The following ENTREP2 variants were observed in gnomAD, a reference collection of about 807,000 sequenced individuals.
The protein encoded by ENTREP2 is protein ENTREP2.
At chr15:29,383,909 T>A in the ENTREP2 span, among the ~76,000 whole-genome samples, 1 of 152,294 alleles carries the variant, frequency 6.6e-6, no homozygotes, top group South Asian at 2.1e-4. Flanking sequence ...AGACATTATT[T>A]ACAGCCATTT....
At chr15:29,410,878 C>T in the ENTREP2 span, among the ~76,000 whole-genome samples, 1 of 152,294 alleles carries the variant, frequency 6.6e-6, no homozygotes, top group South Asian at 2.1e-4. Flanking sequence ...CTCCGCCTCC[C>T]AGGTTCAAGC....
At chr15:29,636,293 G>T in the ENTREP2 span, among the ~76,000 whole-genome samples, 1 of 152,220 alleles carries the variant, frequency 6.6e-6, no homozygotes, top group Non-Finnish European at 1.5e-5. Context: ...TTGGCCAATG[G>T]AACGTTAGCA....
chr15:29,524,005 G>A, the ENTREP2 span, among the ~76,000 whole-genome samples: 1 of 151,914 alleles, frequency 6.6e-6, no homozygotes, highest in African/African-American at 2.4e-5. Flanking sequence ...GATACCAGAA[G>A]AACAAGCAAA....
the ENTREP2 span, among the ~76,000 whole-genome samples, chr15:29,653,117 C>G: frequency 6.6e-6 from 1 of 152,256 alleles, no homozygotes; most frequent in South Asian, 2.1e-4. Flanking sequence ...GAGTCCATAT[C>G]ACTGGGAATC....
chr15:29,234,377 C>A, the ENTREP2 span: 1 of 1,563,706 alleles, frequency 6.4e-7, no homozygotes, highest in Non-Finnish European at 8.8e-7. Flanking sequence ...TGTCACTCTG[C>A]AGGACTTATT....
the ENTREP2 span, among the ~76,000 whole-genome samples, chr15:29,423,540 C>T: frequency 1.3e-5 from 2 of 151,690 alleles, no homozygotes; most frequent in Admixed American, 1.3e-4. Flanking sequence ...GTAATCCCAG[C>T]ACTTCAGGAG....
the ENTREP2 span, among the ~76,000 whole-genome samples, chr15:29,399,173 A>C: frequency 6.6e-6 from 1 of 152,178 alleles, no homozygotes; most frequent in Non-Finnish European, 1.5e-5. Flanking sequence ...AACCTGAAGG[A>C]GTTTGGAAGT....
At chr15:29,587,709 G>A in the ENTREP2 span, among the ~76,000 whole-genome samples, 1 of 152,158 alleles carries the variant, frequency 6.6e-6, no homozygotes, top group South Asian at 2.1e-4. Context: ...ACCCAGGCTG[G>A]AGAGCAGTGG....
At chr15:29,175,177 G>A in the ENTREP2 span, among the ~76,000 whole-genome samples, 3 of 152,228 alleles carry the variant, frequency 2.0e-5, no homozygotes, top group Admixed American at 1.3e-4. Context: ...CTGGGATTCT[G>A]GCTCCACCTT....
chr15:29,553,177 T>C, the ENTREP2 span, among the ~76,000 whole-genome samples: 1 of 152,160 alleles, frequency 6.6e-6, no homozygotes, highest in East Asian at 1.9e-4. Context: ...ATGCCTGTAA[T>C]CCCAGCTGCT....
chr15:29,201,771 T>A, the ENTREP2 span, among the ~76,000 whole-genome samples: 1 of 152,202 alleles, frequency 6.6e-6, no homozygotes, highest in African/African-American at 2.4e-5. Context: ...TGGATTTTGG[T>A]AGCATGGCAA....
chr15:29,184,995 G>A, the ENTREP2 span, among the ~76,000 whole-genome samples: 26 of 151,766 alleles, frequency 1.7e-4, no homozygotes, highest in Admixed American at 1.2e-3. Flanking sequence ...AGAATCACTT[G>A]AGCCTGAGAG....
the ENTREP2 span, among the ~76,000 whole-genome samples, chr15:29,321,122 T>G: frequency 6.6e-6 from 1 of 151,976 alleles, no homozygotes; most frequent in Non-Finnish European, 1.5e-5. Flanking sequence ...ACAGGATAAC[T>G]ATCAAAAACT....
At chr15:29,417,033 T>C in the ENTREP2 span, among the ~76,000 whole-genome samples, 67 of 152,326 alleles carry the variant, frequency 4.4e-4, no homozygotes, top group Middle Eastern at 3.4e-3. Flanking sequence ...AGGAACACTC[T>C]TTCACTGTTA....
chr15:29,332,433 A>AG, the ENTREP2 span, among the ~76,000 whole-genome samples: 3 of 152,068 alleles, frequency 2.0e-5, no homozygotes, highest in Non-Finnish European at 4.4e-5. Flanking sequence ...ATTTTCAAAG[A>AG]GAAAAAAAAA....
the ENTREP2 span, among the ~76,000 whole-genome samples, chr15:29,444,475 C>CTTTTTTTCTTT: frequency 1.4e-5 from 2 of 140,168 alleles, no homozygotes; most frequent in African/African-American, 2.8e-5. Context: ...TTCTTTTTTT[C>CTTTTTTTCTTT]TTTTTTTTCT....
the ENTREP2 span, chr15:29,136,331 C>G: frequency 6.8e-7 from 1 of 1,466,122 alleles, no homozygotes; most frequent in East Asian, 2.6e-5. Flanking sequence ...AGCATTCCCA[C>G]GGGAACTGGC....
chr15:29,228,147 C>T, the ENTREP2 span, among the ~76,000 whole-genome samples: 2 of 152,024 alleles, frequency 1.3e-5, no homozygotes, highest in East Asian at 3.9e-4. Flanking sequence ...TGTGAAACCC[C>T]GTCTCTACTA....
the ENTREP2 span, among the ~76,000 whole-genome samples, chr15:29,478,480 G>C: frequency 6.6e-6 from 1 of 152,162 alleles, no homozygotes; most frequent in Non-Finnish European, 1.5e-5. Flanking sequence ...TCCCCGCCCA[G>C]ATTTCATGTT....
Sources: allele counts gnomAD v4.1 joint callset (sites outside exome capture counted in the v4.1 genomes callset), GRCh38; gene constraint gnomAD v4.1.1; transcripts MANE v1.5; gene names NCBI Gene and HGNC (gene_info 2026-07-23, HGNC 2026-07-21).